The following FNDC3B variants were observed in gnomAD, a reference collection of about 807,000 sequenced individuals.
FNDC3B encodes fibronectin type III domain containing 3B.
A neutral mutation model predicts 151.5 loss-of-function variants in FNDC3B; 12 were observed. That is an observed-to-expected ratio of 0.08 (90% CI 0.05 to 0.13). The LOEUF is 0.13. FNDC3B is among the 10% of genes least tolerant of loss of function. FNDC3B has a pLI of 1.00. For missense variants in FNDC3B, 1,214 were observed against 1,505.3 expected (o/e 0.81, Z 3.20); for synonymous variants, 528 against 549.0 (o/e 0.96, Z 0.54).
At chr3:172,233,143 G>T (rs4280664) in intron 4 of FNDC3B, among the ~76,000 whole-genome samples, 1 of 151,848 alleles carries the variant, frequency 6.6e-6, no homozygotes, top group African/African-American at 2.4e-5. Context: ...CCATGCTTCC[G>T]TAGTAATTTA....
chr3:172,086,131 T>A (rs1339062943), intron 1 of FNDC3B, among the ~76,000 whole-genome samples: 1 of 152,034 alleles, frequency 6.6e-6, no homozygotes, highest in African/African-American at 2.4e-5. Context: ...GAGACTGAGG[T>A]AGGAGGATCA....
chr3:172,041,026 T>G (rs1456115075), intron 1 of FNDC3B, among the ~76,000 whole-genome samples: 1 of 152,246 alleles, frequency 6.6e-6, no homozygotes, highest in Non-Finnish European at 1.5e-5. Context: ...GTTTGCAGAC[T>G]TCCTTAAAAG....
At chr3:172,200,109 A>C (rs1725068813) in intron 3 of FNDC3B, among the ~76,000 whole-genome samples, 1 of 152,164 alleles carries the variant, frequency 6.6e-6, no homozygotes, top group Admixed American at 6.5e-5. Flanking sequence ...GATGGAACCC[A>C]CCCTGGACAG....
intron 15 of FNDC3B, among the ~76,000 whole-genome samples, chr3:172,336,816 T>C (rs1732995284): frequency 6.6e-6 from 1 of 151,174 alleles, no homozygotes; most frequent in East Asian, 1.9e-4. Context: ...GGAAGGAGAC[T>C]CGCTTGAACC....
rs571683210 is a variant in FNDC3B at position 172,253,070 on chromosome 3, C to T, written c.790+1529C>T. Among the ~76,000 whole-genome samples the T allele has an allele frequency of 4.6e-5, 7 of 152,062 alleles. No individual in the cohort carries two copies. The South Asian group carries it at 6.2e-4, about 14-fold the overall frequency. The stretch of plus-strand genomic sequence containing the variant: ...AAGAGAATTTTTATCCGAAGAAAAA[C>T]GAGAGAGAATGTATAAATTGTCCAG... On this transcript the variant is annotated intron_variant, in intron 6 of 25. Transcript: ENST00000415807.
At chr3:172,157,844 T>G (rs910051187) in intron 3 of FNDC3B, among the ~76,000 whole-genome samples, 1 of 152,234 alleles carries the variant, frequency 6.6e-6, no homozygotes, top group Non-Finnish European at 1.5e-5. Context: ...AAATGCCTTC[T>G]GAGGTCTGAA....
At position 172,236,744 on chromosome 3, in the gene FNDC3B, G is replaced by A. The variant is rs113292970; in HGVS notation, c.264+9797G>A. On this transcript the variant is annotated intron_variant, in intron 4 of 25. Transcript: ENST00000415807. ...GTGGAGCTGTAGCTAGCTAACTGAGGGCTCATCCTGGGGTCTCCAGTTCAT... is the reference window on the plus strand; with the variant it reads ...GTGGAGCTGTAGCTAGCTAACTGAGAGCTCATCCTGGGGTCTCCAGTTCAT... 4.3e-4 allele frequency among the ~76,000 whole-genome samples: 65 copies of A among 152,232 alleles called. 1 individual carries two copies. The highest frequency in any genetic ancestry group is 1.0e-3 in the South Asian group (5 of 4,822).
At chr3:172,299,943 C>A (rs1479236733) in intron 9 of FNDC3B, among the ~76,000 whole-genome samples, 1 of 152,212 alleles carries the variant, frequency 6.6e-6, no homozygotes, top group Non-Finnish European at 1.5e-5. Flanking sequence ...ATCTTATTAG[C>A]TGCATAAGTT....
intron 25 of FNDC3B, among the ~76,000 whole-genome samples, chr3:172,389,781 G>A (rs1480988807): frequency 6.6e-6 from 1 of 152,130 alleles, no homozygotes; most frequent in Non-Finnish European, 1.5e-5. Flanking sequence ...CAGGAGAATG[G>A]CCTGAACCTG....
At chr3:172,393,659 G>A (rs1736130718) in intron 25 of FNDC3B, among the ~76,000 whole-genome samples, 1 of 152,090 alleles carries the variant, frequency 6.6e-6, no homozygotes, top group East Asian at 1.9e-4. Flanking sequence ...AGACCACAGT[G>A]TTAAGAAACT....
chr3:172,266,707 ATC>A (rs1338185952), intron 6 of FNDC3B, among the ~76,000 whole-genome samples: 1 of 152,116 alleles, frequency 6.6e-6, no homozygotes, highest in Non-Finnish European at 1.5e-5. Context: ...GCATCTTCAA[ATC>A]TCTCTGCTCT....
At chr3:172,061,605 T>C (rs1417136445) in intron 1 of FNDC3B, among the ~76,000 whole-genome samples, 3 of 152,174 alleles carry the variant, frequency 2.0e-5, no homozygotes, top group African/African-American at 7.2e-5. Flanking sequence ...CAGATTCTTT[T>C]CCTAATGTGT....
intron 6 of FNDC3B, among the ~76,000 whole-genome samples, chr3:172,255,949 C>G (rs890834669): frequency 2.0e-5 from 3 of 152,192 alleles, no homozygotes; most frequent in Non-Finnish European, 4.4e-5. Flanking sequence ...AAGAGACTGC[C>G]CAGAAGGGCC....
At chr3:172,239,732 A>T (rs1411334554) in intron 4 of FNDC3B, among the ~76,000 whole-genome samples, 1 of 148,470 alleles carries the variant, frequency 6.7e-6, no homozygotes. Context: ...CCTTTGAAGC[A>T]TTTCAATTCA....
intron 3 of FNDC3B, 109 bp from the exon 4 acceptor site, chr3:172,226,762 A>G (rs1726605032): frequency 1.4e-6 from 1 of 706,754 alleles, no homozygotes; most frequent in Non-Finnish European, 2.5e-6. Flanking sequence ...TGAAGAGCAA[A>G]TTGTCAAAGT....
At chr3:172,303,064 A>G (rs2108235349) in intron 9 of FNDC3B, 1 of 152,252 alleles carries the variant, frequency 6.6e-6, no homozygotes, top group South Asian at 2.1e-4. Context: ...TTATACATAT[A>G]TACATTTATT....
intron 6 of FNDC3B, among the ~76,000 whole-genome samples, chr3:172,269,954 G>T (rs769602605): frequency 6.6e-6 from 1 of 152,152 alleles, no homozygotes; most frequent in Non-Finnish European, 1.5e-5. Context: ...GCCTAAATCT[G>T]TGCTTTTTTA....
rs765315369 is a variant in FNDC3B, at chr3:172,385,072, C to CT, written c.3303+3991dup. ...AGTCAGGGACAATTTGTACTGGTTT[C>CT]TTTTTTTTTTTTCTGGCTTCTCGCT... On this transcript the variant is annotated intron_variant, in intron 25 of 25. Coordinates refer to ENST00000415807, the MANE Select transcript of FNDC3B (RefSeq NM_022763.4). Among the ~76,000 whole-genome samples, 1,101 of 145,260 alleles carry CT rather than the reference C, an allele frequency of 7.6e-3. 4 individuals carry two copies. The highest frequency in any genetic ancestry group is 0.028 in the Middle Eastern group (8 of 284).
At chr3:172,217,321 C>G (rs528377710) in intron 3 of FNDC3B, among the ~76,000 whole-genome samples, 2 of 152,332 alleles carry the variant, frequency 1.3e-5, no homozygotes, top group South Asian at 4.1e-4. Flanking sequence ...AAATCAAGTT[C>G]TTTTTGAAAC....
Sources: allele counts gnomAD v4.1 joint callset (sites outside exome capture counted in the v4.1 genomes callset), GRCh38; gene constraint gnomAD v4.1.1; transcripts MANE v1.5; gene names NCBI Gene and HGNC (gene_info 2026-07-23, HGNC 2026-07-21).